TLK1: variants seen among roughly 807,000 people sequenced by gnomAD.
TLK1 encodes serine/threonine-protein kinase tousled-like 1.
TLK1 carries 24 observed loss-of-function variants against 105.3 expected under a neutral mutation model. That is an observed-to-expected ratio of 0.23 (90% CI 0.17 to 0.32). The LOEUF (loss-of-function observed/expected upper bound fraction) is 0.32, where lower values mean the gene tolerates loss of function less well. TLK1 is among the 10% of genes least tolerant of loss of function. The pLI, the probability that TLK1 is intolerant of heterozygous loss-of-function variation, is 1.00. For synonymous variants in TLK1, 321 were observed against 310.4 expected (o/e 1.03, Z -0.36); for missense variants, 558 against 910.5 (o/e 0.61, Z 4.98).
chr2:171,026,063 A>T (rs750714050), intron 12 of TLK1, among the ~76,000 whole-genome samples: 9 of 152,148 alleles, frequency 5.9e-5, no homozygotes, highest in Non-Finnish European at 1.3e-4. Flanking sequence ...CAAAGAAAAG[A>T]AAAGTTATGT....
chr2:171,194,999 C>G (rs185672035), intron 1 of TLK1, among the ~76,000 whole-genome samples: 3 of 152,246 alleles, frequency 2.0e-5, no homozygotes, highest in Non-Finnish European at 4.4e-5. Flanking sequence ...TTTCCTCAAT[C>G]AGTTCAAAAT....
chr2:171,067,688 G>C (rs543371546), intron 3 of TLK1, among the ~76,000 whole-genome samples: 1 of 151,996 alleles, frequency 6.6e-6, no homozygotes, highest in African/African-American at 2.4e-5. Context: ...AGGTATACAC[G>C]TGCCAAGGTG....
intron 1 of TLK1, among the ~76,000 whole-genome samples, chr2:171,207,567 A>C (rs1018180875): frequency 1.4e-4 from 21 of 152,300 alleles, no homozygotes; most frequent in Middle Eastern, 3.4e-3. Context: ...TAACAGATGT[A>C]CCACTGTGGT....
chr2:171,145,036 C>T (rs1558966530), intron 1 of TLK1, among the ~76,000 whole-genome samples: 3 of 152,156 alleles, frequency 2.0e-5, no homozygotes, highest in South Asian at 2.1e-4. Flanking sequence ...CAGCCAGGCA[C>T]GGTGGCTCAC....
chr2:171,197,789 C>CAAAA (rs397986643), intron 1 of TLK1, among the ~76,000 whole-genome samples: 1 of 151,294 alleles, frequency 6.6e-6, no homozygotes, highest in Non-Finnish European at 1.5e-5. Flanking sequence ...AAAAACAAAA[C>CAAAA]CAAACAAACA....
chr2:171,004,717 G>T (rs1324826316), intron 18 of TLK1, among the ~76,000 whole-genome samples: 2 of 152,034 alleles, frequency 1.3e-5, no homozygotes, highest in Non-Finnish European at 2.9e-5. Flanking sequence ...TGGAATCTAA[G>T]ATTCTACCAA....
rs1354058748 is a variant in TLK1, at chr2:171,007,040, T to C, written c.1440A>G (p.Arg480=). ...GCTGATGTATCTTCACAGCAGCATA[T>C]CTTTGTTCATAAAGGTCAAAAGCCT... is the stretch of plus-strand genomic sequence containing the variant. The part of the protein sequence containing the change: ...VYKAFDLYEQ[R]YAAVKIHQLN... The change falls in exon 15 of 21, where the codon AGA becomes AGG. Residue 480 remains arginine, a synonymous_variant. Transcript: ENST00000431350. 1.2e-6 allele frequency: 2 copies of C among 1,607,338 alleles called. No individual in the cohort carries two copies. Among genetic ancestry groups the C allele is most frequent in the Non-Finnish European group, 1.7e-6 (2 of 1,178,448 alleles).
chr2:171,190,746 G>T (rs1323542116), intron 1 of TLK1, among the ~76,000 whole-genome samples: 2 of 152,176 alleles, frequency 1.3e-5, no homozygotes, highest in African/African-American at 4.8e-5. Flanking sequence ...TTAGGAACAT[G>T]TCAGGCAGTT....
intron 1 of TLK1, among the ~76,000 whole-genome samples, chr2:171,205,773 T>C (rs1575658642): frequency 6.6e-6 from 1 of 152,238 alleles, no homozygotes; most frequent in Admixed American, 6.5e-5. Context: ...ATCTGCTTTG[T>C]TGTTTGTTAT....
intron 2 of TLK1, chr2:171,091,617 T>C (rs1235761510): frequency 2.0e-5 from 3 of 152,160 alleles, no homozygotes; most frequent in Non-Finnish European, 4.4e-5. Context: ...CCCATACCTA[T>C]AATCGAGAAA....
intron 3 of TLK1, among the ~76,000 whole-genome samples, chr2:171,064,095 C>A (rs566493687): frequency 5.1e-4 from 78 of 152,082 alleles, no homozygotes; most frequent in African/African-American, 1.8e-3. Context: ...AAAAAGCAAA[C>A]GAATGCATTA....
chr2:171,128,330 T>C (rs886773440), intron 1 of TLK1, among the ~76,000 whole-genome samples: 1 of 152,170 alleles, frequency 6.6e-6, no homozygotes, highest in Non-Finnish European at 1.5e-5. Flanking sequence ...GGTCGATAAG[T>C]TGTGTAAAGT....
At chr2:171,204,745 G>A (rs757513698) in intron 1 of TLK1, among the ~76,000 whole-genome samples, 4 of 152,070 alleles carry the variant, frequency 2.6e-5, no homozygotes, top group Non-Finnish European at 4.4e-5. Context: ...GATCAGTTAC[G>A]GTCAGGAGTT....
intron 3 of TLK1, among the ~76,000 whole-genome samples, chr2:171,078,151 C>T (rs1688596579): frequency 6.6e-6 from 1 of 152,210 alleles, no homozygotes; most frequent in Non-Finnish European, 1.5e-5. Context: ...CAAAGGCACT[C>T]TAGCTAGATC....
intron 12 of TLK1, among the ~76,000 whole-genome samples, chr2:171,022,104 C>CACACACACAG (rs1685551539): frequency 6.6e-6 from 1 of 151,540 alleles, no homozygotes; most frequent in Non-Finnish European, 1.5e-5. Flanking sequence ...CACACACACA[C>CACACACACAG]ACACACACAC....
At chr2:171,212,189 T>A (rs908105251) in intron 1 of TLK1, among the ~76,000 whole-genome samples, 3 of 152,038 alleles carry the variant, frequency 2.0e-5, no homozygotes, top group Admixed American at 2.0e-4. Flanking sequence ...CCTCCAGAAA[T>A]CAATTAACAT....
intron 1 of TLK1, among the ~76,000 whole-genome samples, chr2:171,180,823 C>CTT (rs57223904): frequency 6.5e-5 from 8 of 123,132 alleles, no homozygotes; most frequent in East Asian, 2.3e-4. Flanking sequence ...TAAGAGGATG[C>CTT]TTTTTTTTTT....
chr2:171,131,032 C>A (rs1471685018), intron 1 of TLK1, among the ~76,000 whole-genome samples: 1 of 151,920 alleles, frequency 6.6e-6, no homozygotes. Context: ...AACGGACACA[C>A]CAACCTGTAA....
rs1042662348 is a variant in TLK1 at position 171,124,018 on chromosome 2, A to G, written c.140-6161T>C. On this transcript the variant is annotated intron_variant, in intron 1 of 20. Coordinates refer to ENST00000431350, the MANE Select transcript of TLK1 (RefSeq NM_012290.5). ...GCCTTTCAGTATGTCATCACAGTGC[A>G]GATTAATTACTTCCAATTCAAGGTT... Among the ~76,000 whole-genome samples, 25 of 152,358 alleles carry G rather than the reference A, an allele frequency of 1.6e-4. No homozygotes were observed. In the South Asian group the frequency reaches 2.3e-3, roughly 14 times the overall value.
Sources: allele counts gnomAD v4.1 joint callset (sites outside exome capture counted in the v4.1 genomes callset), GRCh38; gene constraint gnomAD v4.1.1; transcripts MANE v1.5; gene names NCBI Gene and HGNC (gene_info 2026-07-23, HGNC 2026-07-21).